The following DIAPH2 variants were observed in gnomAD, a reference collection of about 807,000 sequenced individuals.
DIAPH2 encodes the protein diaphanous related formin 2, also known as protein diaphanous homolog 2.
A neutral mutation model predicts 92.7 loss-of-function variants in DIAPH2; 35 were observed. That is an observed-to-expected ratio of 0.38 (90% confidence interval 0.29 to 0.50). The LOEUF is 0.50. Among genes scored for constraint, DIAPH2 ranks in the 20% least tolerant of loss-of-function variants. The pLI is 0.94. For synonymous variants in DIAPH2, 301 were observed against 280.4 expected, an observed-to-expected ratio of 1.07 and a Z score of -0.73; for missense variants, 701 against 819.5, an observed-to-expected ratio of 0.86 and a Z score of 1.77.
At chrX:97,567,510 C>A (rs966147940) in intron 26 of DIAPH2, among the ~76,000 whole-genome samples, 92 of 112,007 alleles carry the variant, frequency 8.2e-4, no homozygotes, top group African/African-American at 2.9e-3. Context: ...AACTGAAGAT[C>A]TACTATGTAC....
intron 4 of DIAPH2, among the ~76,000 whole-genome samples, chrX:96,821,477 C>T (rs1850678081): frequency 8.9e-6 from 1 of 111,909 alleles, no homozygotes; most frequent in African/African-American, 3.3e-5. Flanking sequence ...GAGTCCAGAA[C>T]TTTCTAGTTT....
intron 20 of DIAPH2, among the ~76,000 whole-genome samples, chrX:97,102,051 T>A (rs2066909191): frequency 8.9e-6 from 1 of 112,389 alleles, no homozygotes; most frequent in African/African-American, 3.2e-5. Flanking sequence ...ATGATTTCTA[T>A]ATGGAAAACC....
At chrX:97,240,605 C>CAAAAAAAAAAAAAAAAAAAAAAAAAAAAA (rs774748522) in intron 22 of DIAPH2, among the ~76,000 whole-genome samples, 1 of 67,991 alleles carries the variant, frequency 1.5e-5, no homozygotes, top group African/African-American at 5.8e-5. Context: ...GACTGCATCT[C>CAAAAAAAAAAAAAAAAAAAAAAAAAAAAA]AAAAAAAAAA....
intron 5 of DIAPH2, among the ~76,000 whole-genome samples, chrX:96,899,682 A>G (rs1434951540): frequency 1.8e-5 from 2 of 111,048 alleles, no homozygotes; most frequent in Non-Finnish European, 3.8e-5. Context: ...AACAGGGACA[A>G]TTTGATTTCC....
At chrX:96,911,926 C>G (rs2065470961) in intron 5 of DIAPH2, among the ~76,000 whole-genome samples, 2 of 111,403 alleles carry the variant, frequency 1.8e-5, no homozygotes, top group Non-Finnish European at 3.8e-5. Flanking sequence ...AGAAATGGGT[C>G]ATCAAATAAT....
intron 4 of DIAPH2, among the ~76,000 whole-genome samples, chrX:96,785,971 T>A (rs184891177): frequency 9.0e-6 from 1 of 111,565 alleles, no homozygotes; most frequent in Non-Finnish European, 1.9e-5. Flanking sequence ...TTAGAAAATT[T>A]TGAGCTCCCT....
intron 22 of DIAPH2, among the ~76,000 whole-genome samples, chrX:97,160,263 G>C (rs2067358903): frequency 2.7e-5 from 3 of 111,347 alleles, no homozygotes. Flanking sequence ...ACCTCCTAAA[G>C]AAGCATCTCA....
intron 24 of DIAPH2, among the ~76,000 whole-genome samples, chrX:97,382,924 T>C (rs1019650528): frequency 6.2e-5 from 7 of 112,301 alleles, no homozygotes; most frequent in Admixed American, 4.7e-4. Flanking sequence ...CAAAATAGTT[T>C]TTGTCAAACA....
At chrX:97,399,981 A>C (rs1438091498) in intron 25 of DIAPH2, among the ~76,000 whole-genome samples, 2 of 112,237 alleles carry the variant, frequency 1.8e-5, no homozygotes, top group African/African-American at 6.5e-5. Flanking sequence ...TTTTATTTTC[A>C]CTGATATTAA....
At chrX:97,040,176 T>G (rs1173078462) in intron 17 of DIAPH2, among the ~76,000 whole-genome samples, 1 of 92,974 alleles carries the variant, frequency 1.1e-5, no homozygotes, top group South Asian at 4.7e-4. Flanking sequence ...CCCTTGAGGG[T>G]TTTTTTTTTT....
chrX:97,254,689 T>G (rs1668140965), intron 23 of DIAPH2, among the ~76,000 whole-genome samples: 1 of 108,870 alleles, frequency 9.2e-6, no homozygotes, highest in South Asian at 3.9e-4. Context: ...ACTAACTTTA[T>G]TTTATTTTAT....
intron 4 of DIAPH2, among the ~76,000 whole-genome samples, chrX:96,800,491 C>T (rs2064574368): frequency 8.9e-6 from 1 of 111,930 alleles, no homozygotes; most frequent in Non-Finnish European, 1.9e-5. Context: ...CCTTTCCTCT[C>T]CAATTCAGAG....
chrX:96,922,722 G>C (rs190693489), intron 9 of DIAPH2, among the ~76,000 whole-genome samples: 66 of 111,544 alleles, frequency 5.9e-4, no homozygotes, highest in Admixed American at 5.7e-3. Context: ...ACTACATTTG[G>C]TGTTTCCCAG....
At chrX:97,360,481 G>A (rs1201367681) in intron 24 of DIAPH2, among the ~76,000 whole-genome samples, 21 of 109,587 alleles carry the variant, frequency 1.9e-4, no homozygotes, top group Admixed American at 3.9e-4. Context: ...AAAATTAGGT[G>A]GGCATAGTGC....
chrX:97,187,301 T>TTTTTTTTTTTTTTTTTTTTTTTTTTTC (rs2067614916), intron 22 of DIAPH2, among the ~76,000 whole-genome samples: 1 of 84,204 alleles, frequency 1.2e-5, no homozygotes, highest in African/African-American at 4.9e-5. Context: ...TTTTTTTTTT[T>TTTTTTTTTTTTTTTTTTTTTTTTTTTC]TTTGCAACTG....
chrX:96,947,940 C>G (rs2065748363), intron 14 of DIAPH2, among the ~76,000 whole-genome samples: 1 of 111,869 alleles, frequency 8.9e-6, no homozygotes, highest in African/African-American at 3.3e-5. Context: ...AGGGCTAAGG[C>G]AGGATACAGT....
At chrX:96,956,090 A>G in intron 15 of DIAPH2, among the ~76,000 whole-genome samples, 1 of 112,794 alleles carries the variant, frequency 8.9e-6, no homozygotes, top group Admixed American at 9.3e-5. Context: ...TTCTGCCTGG[A>G]CATCCAGGCG....
chrX:96,899,335 G>A (rs991357322), intron 5 of DIAPH2, among the ~76,000 whole-genome samples: 1 of 110,080 alleles, frequency 9.1e-6, no homozygotes, highest in Non-Finnish European at 1.9e-5. Context: ...CCATTTTCAC[G>A]ATACTGATTC....
intron 17 of DIAPH2, among the ~76,000 whole-genome samples, chrX:97,044,849 C>T (rs764456986): frequency 9.0e-6 from 1 of 111,686 alleles, no homozygotes; most frequent in East Asian, 2.8e-4. Flanking sequence ...ACATTGTCAT[C>T]TCACTCTCAG....
Sources: gnomAD v4.1 joint callset for allele counts (sites outside exome capture counted in the v4.1 genomes callset) on GRCh38, gnomAD v4.1.1 for gene constraint, MANE v1.5 for transcripts, NCBI Gene and HGNC (gene_info 2026-07-23, HGNC 2026-07-21) for gene names.